SHISA6: variants seen among roughly 807,000 people sequenced by gnomAD.
SHISA6 encodes the protein protein shisa-6.
In SHISA6, 22 loss-of-function variants were observed where a neutral mutation model predicts 47.9. The ratio of observed to expected loss-of-function variants is 0.46; its 90% CI spans 0.33 to 0.66. The LOEUF is 0.66. SHISA6 is among the 30% of genes least tolerant of loss of function. The pLI is 0.02. For missense variants in SHISA6, 680 were observed against 764.6 expected (o/e 0.89, Z 1.30); for synonymous variants, 388 against 337.8 (o/e 1.15, Z -1.63).
At chr17:11,419,343 T>TA (rs34164165) in intron 3 of SHISA6, among the ~76,000 whole-genome samples, 112 of 149,662 alleles carry the variant, frequency 7.5e-4, no homozygotes, top group South Asian at 1.5e-3. Context: ...TACAGAAAAT[T>TA]AAAAAAAAAA....
chr17:11,514,471 A>G (rs2071566299), intron 3 of SHISA6, among the ~76,000 whole-genome samples: 1 of 152,144 alleles, frequency 6.6e-6, no homozygotes, highest in Non-Finnish European at 1.5e-5. Flanking sequence ...TAGAATTGCC[A>G]TTTTAGCCGC....
At chr17:11,354,028 G>A (rs1911992369) in intron 2 of SHISA6, among the ~76,000 whole-genome samples, 1 of 152,132 alleles carries the variant, frequency 6.6e-6, no homozygotes, top group Non-Finnish European at 1.5e-5. Flanking sequence ...AGGGGAGGCT[G>A]TTCTTGTGCA....
chr17:11,265,849 C>T (rs1180057459), intron 2 of SHISA6, among the ~76,000 whole-genome samples: 3 of 152,174 alleles, frequency 2.0e-5, no homozygotes, highest in African/African-American at 7.2e-5. Context: ...TTTGTCATTT[C>T]TTCTGGTTTC....
chr17:11,298,556 A>G (rs919130764), intron 2 of SHISA6, among the ~76,000 whole-genome samples: 1 of 152,228 alleles, frequency 6.6e-6, no homozygotes, highest in South Asian at 2.1e-4. Flanking sequence ...CCAGCAGGCA[A>G]CAGGTGATGA....
intron 3 of SHISA6, among the ~76,000 whole-genome samples, chr17:11,513,308 T>C (rs969534710): frequency 4.6e-5 from 7 of 151,662 alleles, no homozygotes; most frequent in African/African-American, 1.5e-4. Flanking sequence ...CTGAGAGGGG[T>C]GAAGTGGTAT....
chr17:11,446,038 G>T (rs887056625), intron 3 of SHISA6, among the ~76,000 whole-genome samples: 1 of 152,150 alleles, frequency 6.6e-6, no homozygotes, highest in East Asian at 1.9e-4. Flanking sequence ...ATATTGGTCA[G>T]GCTGGTCTTG....
At chr17:11,349,142 G>T (rs745722530) in intron 2 of SHISA6, among the ~76,000 whole-genome samples, 1 of 152,264 alleles carries the variant, frequency 6.6e-6, no homozygotes, top group South Asian at 2.1e-4. Flanking sequence ...GCCTTGCAAA[G>T]AAGTATAAAA....
chr17:11,251,899 C>T (rs1346785809), intron 1 of SHISA6, among the ~76,000 whole-genome samples: 5 of 152,146 alleles, frequency 3.3e-5, no homozygotes, highest in East Asian at 1.9e-4. Context: ...CCTCAAGGTC[C>T]GGTTGTCACA....
intron 2 of SHISA6, among the ~76,000 whole-genome samples, chr17:11,276,502 C>A (rs1382968038): frequency 1.3e-5 from 2 of 152,118 alleles, no homozygotes; most frequent in Non-Finnish European, 2.9e-5. Flanking sequence ...AACACCCATA[C>A]CCCCTTACTA....
intron 3 of SHISA6, among the ~76,000 whole-genome samples, chr17:11,446,629 T>C (rs919670676): frequency 6.6e-6 from 1 of 152,172 alleles, no homozygotes; most frequent in African/African-American, 2.4e-5. Context: ...TGGGCAGAGG[T>C]GTGTGGGTAG....
intron 2 of SHISA6, among the ~76,000 whole-genome samples, chr17:11,322,724 A>G (rs1021580233): frequency 6.6e-6 from 1 of 152,218 alleles, no homozygotes; most frequent in African/African-American, 2.4e-5. Context: ...TTATGTGCAT[A>G]CATGGGTTGA....
intron 3 of SHISA6, among the ~76,000 whole-genome samples, chr17:11,442,418 T>G (rs1340070321): frequency 6.6e-6 from 1 of 152,144 alleles, no homozygotes; most frequent in African/African-American, 2.4e-5. Context: ...ATCAGAGCCC[T>G]GCTTCTGAGA....
At chr17:11,297,730 G>T (rs1439789812) in intron 2 of SHISA6, among the ~76,000 whole-genome samples, 3 of 152,194 alleles carry the variant, frequency 2.0e-5, no homozygotes, top group Non-Finnish European at 4.4e-5. Flanking sequence ...AGGGGAAGCT[G>T]CTAGGACCCT....
At chr17:11,284,804 T>C (rs1446677184) in intron 2 of SHISA6, among the ~76,000 whole-genome samples, 1 of 152,236 alleles carries the variant, frequency 6.6e-6, no homozygotes. Context: ...TTTGCAGCAG[T>C]CATGAGATAC....
chr17:11,423,236 TGTGTATATATATATATATA>T (rs1289881034), intron 3 of SHISA6, among the ~76,000 whole-genome samples: 1 of 139,670 alleles, frequency 7.2e-6, no homozygotes, highest in East Asian at 2.0e-4. Flanking sequence ...TGTGTGTGTG[TGTGTATATATATATATATA>T]ATATATATAT....
chr17:11,479,994 C>T (rs1396148997), intron 3 of SHISA6, among the ~76,000 whole-genome samples: 1 of 152,126 alleles, frequency 6.6e-6, no homozygotes, highest in Non-Finnish European at 1.5e-5. Context: ...CGAATTCCCT[C>T]AATTTTTGTT....
At chr17:11,299,233 T>C (rs972043036) in intron 2 of SHISA6, among the ~76,000 whole-genome samples, 3 of 152,226 alleles carry the variant, frequency 2.0e-5, no homozygotes, top group African/African-American at 7.2e-5. Context: ...AGCAGTTGGA[T>C]CGGAATAATC....
intron 3 of SHISA6, among the ~76,000 whole-genome samples, chr17:11,520,308 T>C (rs1597565718): frequency 6.6e-6 from 1 of 152,206 alleles, no homozygotes; most frequent in East Asian, 1.9e-4. Flanking sequence ...GATGAATTGT[T>C]TGAATCTCAG....
chr17:11,445,852 G>C (rs1340319458), intron 3 of SHISA6, among the ~76,000 whole-genome samples: 1 of 152,178 alleles, frequency 6.6e-6, no homozygotes, highest in Non-Finnish European at 1.5e-5. Context: ...TTTTGAAACA[G>C]AGTCTCCTTC....
Sources: allele counts gnomAD v4.1 joint callset (sites outside exome capture counted in the v4.1 genomes callset), GRCh38; gene constraint gnomAD v4.1.1; transcripts MANE v1.5; gene names NCBI Gene and HGNC (gene_info 2026-07-23, HGNC 2026-07-21).